TASOR2: variants seen among roughly 807,000 people sequenced by gnomAD.
TASOR2 encodes the protein protein TASOR 2.
In TASOR2, 84 loss-of-function variants were observed where a neutral mutation model predicts 199.5. The observed-to-expected ratio is 0.42, with a 90% CI of 0.35 to 0.50. The LOEUF (loss-of-function observed/expected upper bound fraction) is 0.50. Among genes scored for constraint, TASOR2 ranks in the 20% least tolerant of loss-of-function variants. The probability of loss-of-function intolerance (pLI) is 0.02; values close to 1 mark genes in which losing one functional copy is unlikely to be tolerated. For synonymous variants in TASOR2, 1,103 were observed against 1,046.6 expected (o/e 1.05, Z -1.04); for missense variants, 2,796 against 2,835.9 (o/e 0.99, Z 0.32).
rs1322455272 is a variant in TASOR2 at position 5,720,566 on chromosome 10, G to A, written c.-77G>A. 4 of 1,605,456 alleles carry A rather than the reference G, an allele frequency of 2.5e-6. No homozygotes were observed. Among genetic ancestry groups the A allele is most frequent in the Non-Finnish European group, 3.4e-6 (4 of 1,176,206 alleles). The stretch of plus-strand genomic sequence containing the variant: ...CAGTATTACTTTTACGAACTTTCAG[G>A]CAACACCGTTATTGAACGACCCAGA... On this transcript the variant is annotated 5_prime_UTR_variant, in exon 4 of 21. Transcript: ENST00000328090. The surrounding 1 kb of genome is among the most constrained non-coding windows in gnomAD (Gnocchi z 5.3).
intron 10 of TASOR2, among the ~76,000 whole-genome samples, chr10:5,728,669 C>T (rs143033614): frequency 6.6e-6 from 1 of 152,076 alleles, no homozygotes; most frequent in East Asian, 1.9e-4. Flanking sequence ...GCTGTGCTTT[C>T]CTAGGCATCA....
rs928130900 is a variant in TASOR2 at position 5,719,930 on chromosome 10, G to C, written c.-99-614G>C. ...GCCATTCAGTGACCGTAACATAAAA[G>C]ATGGTGGGCTATAGTTTTTCTTTTA... On this transcript the variant is annotated intron_variant, in intron 3 of 20. Coordinates refer to ENST00000328090, the Ensembl canonical transcript of TASOR2. This position sits in a 1 kb window ranked among gnomAD's most constrained non-coding sequence, Gnocchi z 4.1. 2.0e-5 allele frequency among the ~76,000 whole-genome samples: 3 copies of C among 152,182 alleles called. No homozygotes were observed. The highest frequency in any genetic ancestry group is 4.4e-5 in the Non-Finnish European group (3 of 68,034).
At chr10:5,702,411 C>G (rs1401860087) in intron 1 of TASOR2, among the ~76,000 whole-genome samples, 1 of 152,054 alleles carries the variant, frequency 6.6e-6, no homozygotes, top group Non-Finnish European at 1.5e-5. Flanking sequence ...CTGTAGTTTT[C>G]TCTTCATTGT....
exon 13 of TASOR2, chr10:5,739,684 G>T: frequency 1.2e-6 from 2 of 1,613,950 alleles, no homozygotes; most frequent in Non-Finnish European, 8.5e-7. Context: ...GATGGGATTA[G>T]CATAAATAGT....
chr10:5,752,909 A>G lies in TASOR2; in HGVS notation c.6606+2882A>G, dbSNP rs778507088. On this transcript the variant is annotated intron_variant, in intron 15 of 20. Coordinates refer to ENST00000328090, the Ensembl canonical transcript of TASOR2. The surrounding 1 kb of genome is among the most constrained non-coding windows in gnomAD (Gnocchi z 4.4). ...CCTTAAGTCACACTGAGCTATTTAG[A>G]CTTCATCCTGAGGTCGCTGGGAGCC... 9.2e-5 allele frequency among the ~76,000 whole-genome samples: 14 copies of G among 151,956 alleles called. No individual in the cohort carries two copies. The highest frequency in any genetic ancestry group is 1.6e-4 in the Non-Finnish European group (11 of 67,980).
rs1042314288 is a variant in TASOR2 at position 5,722,660 on chromosome 10, C to T, written c.147-1017C>T. Among the ~76,000 whole-genome samples, 1 of 151,860 alleles carries T rather than the reference C, an allele frequency of 6.6e-6. No homozygotes were observed. The highest frequency in any genetic ancestry group is 2.4e-5 in the African/African-American group (1 of 41,312). ...GAAGGGTATTAAAGAGTTCTTTGTC[C>T]TATGTTTGCAACTTTTGTATAAGTG... On this transcript the variant is annotated intron_variant, in intron 6 of 20. Coordinates refer to ENST00000328090, the Ensembl canonical transcript of TASOR2. This position sits in a 1 kb window ranked among gnomAD's most constrained non-coding sequence, Gnocchi z 4.0.
chr10:5,707,925 A>T (rs116159295), intron 1 of TASOR2, among the ~76,000 whole-genome samples: 1 of 152,166 alleles, frequency 6.6e-6, no homozygotes, highest in African/African-American at 2.4e-5. Context: ...AGTGAGTTCA[A>T]TAGGTAGACC....
intron 1 of TASOR2, chr10:5,692,791 G>C (rs1836611200): frequency 6.6e-6 from 1 of 152,124 alleles, no homozygotes; most frequent in African/African-American, 2.4e-5. Flanking sequence ...CCGGCCCCGC[G>C]CCCTACACGC....
chr10:5,763,223 T>TCA (rs1253526644), exon 21 of TASOR2: 3 of 538,098 alleles, frequency 5.6e-6, no homozygotes, highest in Non-Finnish European at 9.7e-6. Flanking sequence ...AGTTGTCTGT[T>TCA]AGCTTTGGGT....
chr10:5,727,110 A>T (rs781405640), exon 10 of TASOR2: 6 of 1,613,820 alleles, frequency 3.7e-6, no homozygotes, highest in Non-Finnish European at 5.1e-6. Context: ...TATTTCGTTC[A>T]CCCCTGTCAA....
In TASOR2 at chr10:5,746,750, T is replaced by C; in HGVS notation, c.3329T>C (p.Ile1110Thr). Residue 1110 changes from isoleucine (I) to threonine (T), a missense_variant, in exon 15 of 21, where the codon ATT becomes ACT. By Grantham distance (89) the Ile-to-Thr change is moderately conservative. Around this residue, in one of 3 missense-constraint regions of TASOR2, gnomAD observed 1,941 missense variants for 1,924.9 expected, o/e 1.01. Transcript: ENST00000328090. ...GCACGAACACAAGGCCTGAGGGACA[T>C]TCCCTCTCTAGTAGTTGCAGGACAG... 3.7e-6 allele frequency: 6 copies of C among 1,614,100 alleles called. No homozygotes were observed. In the African/African-American group the frequency reaches 5.3e-5, roughly 14 times the overall value.
At chr10:5,726,792 CT>C in intron 8 of TASOR2, 92 bp from the exon 10 acceptor site, 2 of 1,154,022 alleles carry the variant, frequency 1.7e-6, no homozygotes, top group Non-Finnish European at 2.5e-6. Context: ...TTTTTCTTTT[CT>C]TGAGGTCAAT....
Position 5,709,194 on chromosome 10 carries a change from C to T in TASOR2, c.-287-3629C>T, listed in dbSNP as rs564575353. ...TTGTAAATTGTGTTCTGCTTGATTC[C>T]GTTATTTTCAACTAGTGGAATAAAG... On this transcript the variant is annotated intron_variant, in intron 1 of 20. Transcript: ENST00000328090. 3.3e-5 allele frequency among the ~76,000 whole-genome samples: 5 copies of T among 152,080 alleles called. No individual in the cohort carries two copies. The East Asian group carries it at 5.8e-4, about 18-fold the overall frequency.
At chr10:5,702,807 T>C (rs1838059618) in intron 1 of TASOR2, among the ~76,000 whole-genome samples, 1 of 152,148 alleles carries the variant, frequency 6.6e-6, no homozygotes, top group Admixed American at 6.5e-5. Context: ...CTTAAATCTA[T>C]TGAAAAGACA....
chr10:5,724,537 A>ATT lies in TASOR2; in HGVS notation c.351+4_351+5insTT. On this transcript the variant is annotated splice_donor_region_variant and intron_variant, in intron 8 of 20. Coordinates refer to ENST00000328090, the Ensembl canonical transcript of TASOR2. Reference sequence around the variant, plus strand: ...ATGTATTAAAAACAAGCAATTGGTAAGCATCACTAATTTAAAATATAATTA... The same window carrying ATT: ...ATGTATTAAAAACAAGCAATTGGTAATTGCATCACTAATTTAAAATATAATTA... 7.7e-7 allele frequency: 1 copy of ATT among 1,299,824 alleles called. No individual in the cohort carries two copies. Among genetic ancestry groups the ATT allele is most frequent in the Non-Finnish European group, 1.0e-6 (1 of 978,160 alleles). 80.5% of individuals were successfully genotyped at this position (1,299,824 alleles called of 1,614,324 possible).
intron 3 of TASOR2, among the ~76,000 whole-genome samples, chr10:5,718,140 A>G (rs1293805316): frequency 6.6e-6 from 1 of 152,194 alleles, no homozygotes; most frequent in Non-Finnish European, 1.5e-5. Flanking sequence ...TTCTTTCTCC[A>G]TAAGACATCC....
At chr10:5,762,450 TTTAAAATA>T (rs1840008431) in intron 19 of TASOR2, 74 bp from the exon 21 acceptor site, 1 of 389,200 alleles carries the variant, frequency 2.6e-6, no homozygotes. Flanking sequence ...CCACAGATTT[TTTAAAATA>T]AAAAACCAGG....
rs1056516236 is a variant in TASOR2 at position 5,752,134 on chromosome 10, T to C, written c.6606+2107T>C. Among the ~76,000 whole-genome samples the C allele has an allele frequency of 3.3e-5, 5 of 152,208 alleles. No individual in the cohort carries two copies. Among genetic ancestry groups the C allele is most frequent in the Admixed American group, 3.3e-4 (5 of 15,280 alleles). ...TGCAGCAGAAAGCTCCATTCAGATG[T>C]CAGCAGTCCTGTTTAGTATCTACCT... On this transcript the variant is annotated intron_variant, in intron 15 of 20. Transcript: ENST00000328090. This position sits in a 1 kb window ranked among gnomAD's most constrained non-coding sequence, Gnocchi z 4.4.
intron 1 of TASOR2, chr10:5,709,788 AC>A: frequency 1.2e-6 from 1 of 854,042 alleles, no homozygotes; most frequent in South Asian, 6.3e-5. Context: ...GATTTCCAGT[AC>A]CTATATTTTT....
Sources: gnomAD v4.1 joint callset for allele counts (sites outside exome capture counted in the v4.1 genomes callset) on GRCh38, gnomAD v4.1.1 for gene constraint, gnomAD v4.1.1 regional missense constraint, Gnocchi (gnomAD v3.1) non-coding constraint, MANE v1.5 for transcripts, NCBI Gene and HGNC (gene_info 2026-07-23, HGNC 2026-07-21) for gene names.